TAOK1: variants seen among roughly 807,000 people sequenced by gnomAD.
The protein encoded by TAOK1 is TAO kinase 1, also known as serine/threonine-protein kinase TAO1.
A neutral mutation model predicts 138.3 loss-of-function variants in TAOK1; 21 were observed. The ratio of observed to expected loss-of-function variants is 0.15; its 90% CI spans 0.11 to 0.22. The LOEUF is 0.22. Ranked by LOEUF, TAOK1 falls within the 10% of genes least tolerant of loss-of-function variation. The probability of loss-of-function intolerance (pLI) is 1.00; values close to 1 mark genes in which losing one functional copy is unlikely to be tolerated. For synonymous variants in TAOK1, 361 were observed against 398.4 expected (o/e 0.91, Z 1.12); for missense variants, 651 against 1,227.7 (o/e 0.53, Z 7.02).
At position 29,390,761 on chromosome 17, in the gene TAOK1, C is replaced by A; in HGVS notation, c.-358C>A. The A allele has an allele frequency of 6.6e-6, 1 of 152,402 alleles. No homozygotes were observed. Among genetic ancestry groups the A allele is most frequent in the Non-Finnish European group, 1.5e-5 (1 of 68,212 alleles). 9.4% of individuals were successfully genotyped at this position (152,402 alleles called of 1,614,324 possible). On this transcript the variant is annotated 5_prime_UTR_variant, in exon 1 of 20. Transcript: ENST00000261716. ...CGACGGAGACGGCTCCCGGCACTTC[C>A]CCGCGCCATCTTAACTGAGCCCAAG...
chr17:29,503,528 A>G (rs2031572292), intron 13 of TAOK1, among the ~76,000 whole-genome samples: 3 of 152,186 alleles, frequency 2.0e-5, no homozygotes, highest in Admixed American at 2.0e-4. Context: ...TGATTTTCCA[A>G]ATAATATGGA....
intron 1 of TAOK1, among the ~76,000 whole-genome samples, chr17:29,418,708 T>G (rs573220271): frequency 1.3e-5 from 2 of 152,368 alleles, no homozygotes; most frequent in African/African-American, 2.4e-5. Flanking sequence ...CACTTCATTC[T>G]TCTGGATTCA....
intron 1 of TAOK1, among the ~76,000 whole-genome samples, chr17:29,397,607 C>CCGCAA (rs60665025): frequency 2.1e-5 from 2 of 94,616 alleles, no homozygotes; most frequent in Non-Finnish European, 3.9e-5. Context: ...CGTCCCCCCC[C>CCGCAA]AAAAAAATAT....
chr17:29,478,198 AT>A (rs1012633837), intron 5 of TAOK1, 52 bp from the exon 6 acceptor site: 5 of 1,404,386 alleles, frequency 3.6e-6, no homozygotes, highest in Non-Finnish European at 3.9e-6. Context: ...TTAGATATGT[AT>A]TTTTTTAACA....
intron 1 of TAOK1, among the ~76,000 whole-genome samples, chr17:29,409,333 A>ATATAT (rs1348702470): frequency 1.2e-3 from 71 of 59,034 alleles, no homozygotes; most frequent in African/African-American, 1.7e-3. Context: ...ATATATATAT[A>ATATAT]TTTTTTTTTT....
chr17:29,483,710 T>C (rs1200837491), intron 8 of TAOK1, among the ~76,000 whole-genome samples: 1 of 151,878 alleles, frequency 6.6e-6, no homozygotes, highest in African/African-American at 2.4e-5. Context: ...TTTAACAACA[T>C]CAACAAACAG....
intron 1 of TAOK1, among the ~76,000 whole-genome samples, chr17:29,397,692 T>TATGTATAG (rs59974689): frequency 4.7e-5 from 7 of 147,598 alleles, no homozygotes; most frequent in African/African-American, 1.8e-4. Context: ...TACATGTATA[T>TATGTATAG]TCATGTATGC....
intron 1 of TAOK1, among the ~76,000 whole-genome samples, chr17:29,410,823 C>T (rs1220615994): frequency 3.3e-5 from 5 of 150,344 alleles, no homozygotes; most frequent in East Asian, 2.0e-4. Flanking sequence ...TTAGTAGAGA[C>T]GGGGTTTCAC....
At chr17:29,488,328 T>G (rs570602237) in intron 8 of TAOK1, among the ~76,000 whole-genome samples, 4 of 152,286 alleles carry the variant, frequency 2.6e-5, no homozygotes, top group African/African-American at 9.6e-5. Flanking sequence ...GCCAGCACTT[T>G]GGGAGGCCGA....
chr17:29,538,607 T>C (rs1471333577), intron 19 of TAOK1, among the ~76,000 whole-genome samples: 3 of 152,148 alleles, frequency 2.0e-5, no homozygotes, highest in Admixed American at 6.5e-5. Flanking sequence ...GAAGGAGACA[T>C]CTGAAAATAA....
At chr17:29,430,649 A>C (rs1490721397) in intron 1 of TAOK1, among the ~76,000 whole-genome samples, 2 of 152,080 alleles carry the variant, frequency 1.3e-5, no homozygotes, top group Non-Finnish European at 2.9e-5. Context: ...CTTTCAATTT[A>C]GTTCTAGGAA....
intron 10 of TAOK1, among the ~76,000 whole-genome samples, chr17:29,493,228 C>T (rs553054407): frequency 6.6e-6 from 1 of 152,008 alleles, no homozygotes; most frequent in South Asian, 2.1e-4. Context: ...GGCGCGGTGG[C>T]TCACTCCTGT....
intron 1 of TAOK1, among the ~76,000 whole-genome samples, chr17:29,425,967 G>A (rs563667305): frequency 2.0e-5 from 3 of 152,216 alleles, no homozygotes; most frequent in Non-Finnish European, 2.9e-5. Flanking sequence ...TGCAAGCTCC[G>A]CCTTCTGGGT....
chr17:29,480,317 C>G, intron 6 of TAOK1, 51 bp from the exon 7 acceptor site: 1 of 1,329,250 alleles, frequency 7.5e-7, no homozygotes, highest in Non-Finnish European at 1.1e-6. Flanking sequence ...TCGTTTTAAA[C>G]ATAATCTATT....
chr17:29,413,369 G>A (rs75590732), intron 1 of TAOK1, among the ~76,000 whole-genome samples: 207 of 152,262 alleles, frequency 1.4e-3, no homozygotes, highest in African/African-American at 4.5e-3. Flanking sequence ...GGCTGAGACC[G>A]GTGGATTGTT....
intron 14 of TAOK1, among the ~76,000 whole-genome samples, chr17:29,510,266 A>G (rs928601991): frequency 3.3e-5 from 5 of 152,094 alleles, no homozygotes; most frequent in Admixed American, 6.6e-5. Flanking sequence ...AGTCACAGCT[A>G]CTTGGGAGGC....
At chr17:29,409,873 A>T (rs936923732) in intron 1 of TAOK1, among the ~76,000 whole-genome samples, 1 of 152,088 alleles carries the variant, frequency 6.6e-6, no homozygotes, top group Non-Finnish European at 1.5e-5. Context: ...GGATGTAAGG[A>T]TGATTGTGCA....
chr17:29,398,257 G>C (rs1380923430), intron 1 of TAOK1, among the ~76,000 whole-genome samples: 1 of 152,032 alleles, frequency 6.6e-6, no homozygotes, highest in East Asian at 1.9e-4. Context: ...GCCCAGGCTG[G>C]AGTGCAATGG....
chr17:29,492,799 AT>A (rs922023292), intron 10 of TAOK1, among the ~76,000 whole-genome samples: 6 of 152,058 alleles, frequency 3.9e-5, no homozygotes, highest in Non-Finnish European at 8.8e-5. Flanking sequence ...TCTCAAAAAA[AT>A]AAAAAATAAA....
Sources: gnomAD v4.1 joint callset for allele counts (sites outside exome capture counted in the v4.1 genomes callset) on GRCh38, gnomAD v4.1.1 for gene constraint, MANE v1.5 for transcripts, NCBI Gene and HGNC (gene_info 2026-07-23, HGNC 2026-07-21) for gene names.